The following PTH2R variants were observed in gnomAD, a reference collection of about 807,000 sequenced individuals.
PTH2R encodes the protein PTH2 receptor.
In PTH2R, 59 loss-of-function variants were observed where a neutral mutation model predicts 60.3. That is an observed-to-expected ratio of 0.98 (90% CI 0.79 to 1.22). PTH2R has a LOEUF of 1.22. Ranked by LOEUF, PTH2R falls within the 50% of genes most tolerant of loss-of-function variation. The pLI, the probability that PTH2R is intolerant of heterozygous loss-of-function variation, is 0.00. For missense variants in PTH2R, 749 were observed against 682.6 expected (o/e 1.10, Z -1.08); for synonymous variants, 256 against 243.8 (o/e 1.05, Z -0.47).
At chr2:208,369,468 C>T (rs1018372993) in intron 1 of PTH2R, among the ~76,000 whole-genome samples, 8 of 151,274 alleles carry the variant, frequency 5.3e-5, no homozygotes, top group South Asian at 2.1e-4. Flanking sequence ...CCGGTTCAAG[C>T]GATTCTCCTG....
At position 208,458,495 on chromosome 2, in the gene PTH2R, G is replaced by A. The variant is rs116318090; in HGVS notation, c.915-1400G>A. On this transcript the variant is annotated intron_variant, in intron 8 of 12. Transcript: ENST00000272847. ...GGGGGTACATGTGAAAGTTTGTTCC[G>A]TAGATAAACATGTGTCACAGAGGTT... Among the ~76,000 whole-genome samples, 1,449 of 152,084 alleles carry A rather than the reference G, an allele frequency of 9.5e-3. 25 individuals carry two copies. Among genetic ancestry groups the A allele is most frequent in the African/African-American group, 0.033 (1,358 of 41,498 alleles).
In PTH2R at chr2:208,470,567, G is replaced by A. The variant is rs528512808; in HGVS notation, c.982-10503G>A. Among the ~76,000 whole-genome samples the A allele has an allele frequency of 4.4e-4, 67 of 151,888 alleles. 2 individuals carry two copies. The South Asian group carries it at 8.7e-3, about 20-fold the overall frequency. Reference sequence around the variant, plus strand: ...CACAAGCTCTCTTCTCTTATCTGCCGCCATGTGAGAAGTGCCCTTTCATCT... The same window carrying A: ...CACAAGCTCTCTTCTCTTATCTGCCACCATGTGAGAAGTGCCCTTTCATCT... On this transcript the variant is annotated intron_variant, in intron 9 of 12. Transcript: ENST00000272847.
chr2:208,439,817 T>C (rs1056181347), intron 4 of PTH2R, among the ~76,000 whole-genome samples: 1 of 152,180 alleles, frequency 6.6e-6, no homozygotes, highest in Non-Finnish European at 1.5e-5. Context: ...CATTTAGCAG[T>C]ATATATTTAA....
At chr2:208,475,004 G>T (rs1314369314) in intron 9 of PTH2R, among the ~76,000 whole-genome samples, 2 of 152,190 alleles carry the variant, frequency 1.3e-5, no homozygotes, top group African/African-American at 4.8e-5. Context: ...AAGGAGATCA[G>T]TGCTGCAGCA....
Position 208,489,102 on chromosome 2 carries a change from C to A in PTH2R, c.1167C>A (p.Leu389=). The change falls in exon 11 of 13, where the codon CTC becomes CTA. Residue 389 remains leucine, a synonymous_variant. Coordinates refer to ENST00000272847, the MANE Select transcript of PTH2R (RefSeq NM_005048.4). ...FVCLPHSFTG[L]GWEIRMHCEL... is the part of the protein sequence containing the mutation. ...GCCTGCCTCACTCCTTCACTGGGCTCGGGTGGGAGATCCGCATGCACTGTG... is the reference window on the plus strand; with the variant it reads ...GCCTGCCTCACTCCTTCACTGGGCTAGGGTGGGAGATCCGCATGCACTGTG... The A allele has an allele frequency of 6.2e-7, 1 of 1,614,090 alleles. No individual in the cohort carries two copies. Among genetic ancestry groups the A allele is most frequent in the Non-Finnish European group, 8.5e-7 (1 of 1,180,006 alleles).
chr2:208,463,319 CT>C (rs1702669780), intron 9 of PTH2R, among the ~76,000 whole-genome samples: 1 of 152,102 alleles, frequency 6.6e-6, no homozygotes, highest in Non-Finnish European at 1.5e-5. Context: ...ACTGTTCCCC[CT>C]GCTTGTCCAT....
chr2:208,484,881 A>C (rs879263272), intron 10 of PTH2R, among the ~76,000 whole-genome samples: 4 of 152,170 alleles, frequency 2.6e-5, no homozygotes, highest in Admixed American at 6.5e-5. Context: ...GGTTGTTAGA[A>C]TAAAATGAAG....
chr2:208,467,898 G>C (rs1436544213), intron 9 of PTH2R, among the ~76,000 whole-genome samples: 5 of 152,152 alleles, frequency 3.3e-5, no homozygotes, highest in Admixed American at 6.5e-5. Context: ...AGTTTTCTAA[G>C]GTAAATGCTC....
At chr2:208,464,614 T>C (rs72990613) in intron 9 of PTH2R, among the ~76,000 whole-genome samples, 2,908 of 152,300 alleles carry the variant, frequency 0.019, 46 homozygotes, top group Admixed American at 0.034. Context: ...CTGTCTTTGT[T>C]AGCATCCCAG....
intron 1 of PTH2R, among the ~76,000 whole-genome samples, chr2:208,410,344 C>A (rs970292191): frequency 6.6e-5 from 10 of 152,156 alleles, no homozygotes; most frequent in African/African-American, 2.4e-4. Flanking sequence ...CTCACACAAG[C>A]AGCCATGATT....
intron 1 of PTH2R, among the ~76,000 whole-genome samples, chr2:208,399,909 T>C (rs539043722): frequency 5.3e-4 from 80 of 152,278 alleles, no homozygotes; most frequent in Middle Eastern, 3.4e-3. Flanking sequence ...GCTGTTCACC[T>C]TTTCCTTCCC....
intron 9 of PTH2R, among the ~76,000 whole-genome samples, chr2:208,462,159 A>G (rs980485506): frequency 2.6e-5 from 4 of 152,204 alleles, no homozygotes; most frequent in Middle Eastern, 3.2e-3. Flanking sequence ...CTCACAATCT[A>G]CTAGTGTATC....
chr2:208,452,154 T>C (rs1039806649), intron 8 of PTH2R, among the ~76,000 whole-genome samples: 10 of 152,194 alleles, frequency 6.6e-5, no homozygotes, highest in Non-Finnish European at 1.3e-4. Flanking sequence ...AGGTGTCTTA[T>C]AGGCTTGTTC....
In PTH2R at chr2:208,426,611, C is replaced by T. The variant is rs567755101; in HGVS notation, c.76-1590C>T. Among the ~76,000 whole-genome samples, 8 of 152,244 alleles carry T rather than the reference C, an allele frequency of 5.3e-5. No homozygotes were observed. In the South Asian group the frequency reaches 6.2e-4, roughly 12 times the overall value. On this transcript the variant is annotated intron_variant, in intron 1 of 12. Coordinates refer to ENST00000272847, the MANE Select transcript of PTH2R (RefSeq NM_005048.4). ...AGGGGAGGTAATGAGATCATGGGGG[C>T]GGTTTCCCCCATGCTGTTCTGATAG...
At chr2:208,457,499 A>C (rs1368387382) in intron 8 of PTH2R, among the ~76,000 whole-genome samples, 2 of 152,248 alleles carry the variant, frequency 1.3e-5, no homozygotes, top group Non-Finnish European at 2.9e-5. Context: ...GCTGAGCTCT[A>C]TTGGTACAGA....
chr2:208,388,138 C>G (rs942231262), intron 1 of PTH2R, among the ~76,000 whole-genome samples: 11 of 149,454 alleles, frequency 7.4e-5, no homozygotes, highest in African/African-American at 2.0e-4. Flanking sequence ...TGAAACCCCC[C>G]CCCCCGTCTC....
chr2:208,395,200 A>G (rs774446464), intron 1 of PTH2R, among the ~76,000 whole-genome samples: 1 of 151,976 alleles, frequency 6.6e-6, no homozygotes, highest in Non-Finnish European at 1.5e-5. Context: ...TGCGCCCGCC[A>G]CCATGCCTGG....
chr2:208,435,494 T>G (rs1702056666), intron 2 of PTH2R, among the ~76,000 whole-genome samples: 1 of 152,034 alleles, frequency 6.6e-6, no homozygotes, highest in Admixed American at 6.6e-5. Flanking sequence ...AGAATCAGAG[T>G]TGAAGCAGAA....
chr2:208,388,084 C>T (rs1180057399), intron 1 of PTH2R, among the ~76,000 whole-genome samples: 9 of 149,050 alleles, frequency 6.0e-5, no homozygotes, highest in African/African-American at 1.2e-4. Context: ...CCGAGGTGGG[C>T]GGATCACGAG....
Sources: gnomAD v4.1 joint callset for allele counts (sites outside exome capture counted in the v4.1 genomes callset) on GRCh38, gnomAD v4.1.1 for gene constraint, MANE v1.5 for transcripts, NCBI Gene and HGNC (gene_info 2026-07-23, HGNC 2026-07-21) for gene names.